AKT3: variants seen among roughly 807,000 people sequenced by gnomAD.
The protein encoded by AKT3 is AKT serine/threonine kinase 3.
AKT3 carries 15 observed loss-of-function variants against 65.3 expected under a neutral mutation model. The observed-to-expected ratio is 0.23, with a 90% CI of 0.15 to 0.35. AKT3 has a LOEUF of 0.35. AKT3 is among the 10% of genes least tolerant of loss of function. The pLI is 1.00. For synonymous variants in AKT3, 206 were observed against 183.8 expected (o/e 1.12, Z -0.98); for missense variants, 243 against 576.5 (o/e 0.42, Z 5.92).
chr1:243,703,492 T>TG (rs1685594997), intron 2 of AKT3, among the ~76,000 whole-genome samples: 1 of 152,018 alleles, frequency 6.6e-6, no homozygotes, highest in African/African-American at 2.4e-5. Flanking sequence ...CAGGCGTGGT[T>TG]GCTCACTCCT....
chr1:243,506,389 C>T (rs1235784185), intron 13 of AKT3, among the ~76,000 whole-genome samples: 1 of 152,224 alleles, frequency 6.6e-6, no homozygotes, highest in Non-Finnish European at 1.5e-5. Context: ...ATAGGAAGTA[C>T]ATTACCAATT....
intron 1 of AKT3, 97 bp downstream of exon 1, chr1:243,849,943 G>C: frequency 5.6e-6 from 5 of 898,106 alleles, no homozygotes; most frequent in Non-Finnish European, 6.7e-6. Context: ...GCCATCCCCC[G>C]CCTGAGGGAG....
At chr1:243,560,016 T>C (rs758505192) in intron 10 of AKT3, among the ~76,000 whole-genome samples, 8 of 152,108 alleles carry the variant, frequency 5.3e-5, no homozygotes, top group Non-Finnish European at 1.2e-4. Flanking sequence ...TTGCTCTCAA[T>C]TCACAAGTAA....
intron 12 of AKT3, among the ~76,000 whole-genome samples, chr1:243,529,806 G>A (rs1388432452): frequency 6.6e-6 from 1 of 152,038 alleles, no homozygotes; most frequent in Non-Finnish European, 1.5e-5. Flanking sequence ...TTTAAAAATA[G>A]TTTGGTTTTT....
chr1:243,547,550 G>A (rs1025332549), intron 11 of AKT3, among the ~76,000 whole-genome samples: 6 of 152,080 alleles, frequency 3.9e-5, no homozygotes, highest in African/African-American at 1.2e-4. Flanking sequence ...GTCTAGATAA[G>A]CCCACATTTC....
At chr1:243,805,654 G>A (rs893634248) in intron 2 of AKT3, among the ~76,000 whole-genome samples, 5 of 152,052 alleles carry the variant, frequency 3.3e-5, no homozygotes, top group East Asian at 1.9e-4. Flanking sequence ...CATGCACACC[G>A]CTGTATGTGG....
intron 8 of AKT3, among the ~76,000 whole-genome samples, chr1:243,593,136 C>A (rs934761630): frequency 8.5e-5 from 13 of 152,122 alleles, no homozygotes; most frequent in Non-Finnish European, 1.5e-4. Context: ...TATAGAAACA[C>A]TCCCAGAAAA....
At chr1:243,719,962 C>G (rs936355986) in intron 2 of AKT3, among the ~76,000 whole-genome samples, 8 of 152,156 alleles carry the variant, frequency 5.3e-5, no homozygotes, top group African/African-American at 1.9e-4. Context: ...TTCTTAAATA[C>G]TTACTTAATA....
intron 12 of AKT3, among the ~76,000 whole-genome samples, chr1:243,518,359 G>A (rs1228358618): frequency 6.6e-6 from 1 of 152,208 alleles, no homozygotes; most frequent in Non-Finnish European, 1.5e-5. Flanking sequence ...GTATGGCTGG[G>A]TGCAGTGGCT....
intron 8 of AKT3, among the ~76,000 whole-genome samples, chr1:243,605,470 T>C (rs955274543): frequency 3.3e-5 from 5 of 152,212 alleles, no homozygotes; most frequent in African/African-American, 1.2e-4. Flanking sequence ...GAGTAAAGAA[T>C]AGCAAATTTA....
At chr1:243,816,279 T>C (rs1693516158) in intron 2 of AKT3, among the ~76,000 whole-genome samples, 1 of 152,214 alleles carries the variant, frequency 6.6e-6, no homozygotes, top group African/African-American at 2.4e-5. Flanking sequence ...CAACAGCTTA[T>C]CTTCCACATT....
At position 243,799,339 on chromosome 1, in the gene AKT3, C is replaced by A. The variant is rs114815473; in HGVS notation, c.46+43786G>T. On this transcript the variant is annotated intron_variant, in intron 2 of 13. Transcript: ENST00000673466. ...CCCTTACTGAATACATATATACTAC[C>A]TATTGCATGAAGATTTGGGTTTTGT... 5.8e-3 allele frequency among the ~76,000 whole-genome samples: 887 copies of A among 152,244 alleles called. 11 individuals carry two copies. The highest frequency in any genetic ancestry group is 0.02 in the African/African-American group (843 of 41,534).
intron 2 of AKT3, among the ~76,000 whole-genome samples, chr1:243,711,031 A>T (rs1686115500): frequency 6.6e-6 from 1 of 152,190 alleles, no homozygotes; most frequent in South Asian, 2.1e-4. Context: ...CAAAATGTGA[A>T]ATCAGCTGGC....
chr1:243,673,849 G>A (rs938612659), intron 3 of AKT3, among the ~76,000 whole-genome samples: 5 of 152,088 alleles, frequency 3.3e-5, no homozygotes, highest in Non-Finnish European at 5.9e-5. Context: ...TCTTGACCTC[G>A]TGATCCACCC....
intron 2 of AKT3, among the ~76,000 whole-genome samples, chr1:243,745,404 T>C (rs1426215042): frequency 6.6e-6 from 1 of 152,194 alleles, no homozygotes; most frequent in Admixed American, 6.5e-5. Context: ...GTCAAAATTA[T>C]TTATTTTAAA....
chr1:243,719,076 A>C (rs1686706723), intron 2 of AKT3, among the ~76,000 whole-genome samples: 1 of 152,194 alleles, frequency 6.6e-6, no homozygotes, highest in Admixed American at 6.5e-5. Context: ...AAGATATATA[A>C]GGTATGCAGT....
intron 4 of AKT3, among the ~76,000 whole-genome samples, chr1:243,647,905 A>C (rs950542367): frequency 3.9e-5 from 6 of 152,216 alleles, no homozygotes; most frequent in Admixed American, 3.3e-4. Context: ...TACTTAATCA[A>C]CTAAGTTCTA....
At chr1:243,582,129 C>G (rs1410244009) in intron 8 of AKT3, among the ~76,000 whole-genome samples, 1 of 151,552 alleles carries the variant, frequency 6.6e-6, no homozygotes, top group Non-Finnish European at 1.5e-5. Context: ...ACTGGTATTC[C>G]TGAGAGAGAA....
chr1:243,613,930 A>C (rs1268000722), intron 7 of AKT3, among the ~76,000 whole-genome samples, 191 bp from the exon 8 acceptor site: 1 of 152,206 alleles, frequency 6.6e-6, no homozygotes, highest in Non-Finnish European at 1.5e-5. Flanking sequence ...TTTAGTTCAC[A>C]ATAGGTATTA....
Sources: allele counts gnomAD v4.1 joint callset (sites outside exome capture counted in the v4.1 genomes callset), GRCh38; gene constraint gnomAD v4.1.1; transcripts MANE v1.5; gene names NCBI Gene and HGNC (gene_info 2026-07-23, HGNC 2026-07-21).